The following PCDHGA5 variants were observed in gnomAD, a reference collection of about 807,000 sequenced individuals.
PCDHGA5 encodes protocadherin gamma-A5.
In PCDHGA5, 36 loss-of-function variants were observed where a neutral mutation model predicts 56.7. That is an observed-to-expected ratio of 0.64 (90% confidence interval 0.49 to 0.84). The LOEUF (loss-of-function observed/expected upper bound fraction) is 0.84, where lower values mean the gene tolerates loss of function less well. PCDHGA5 is among the 40% of genes least tolerant of loss of function. The pLI is 0.00. For missense variants in PCDHGA5, 1,305 were observed against 1,201.5 expected (o/e 1.09, Z -1.27); for synonymous variants, 563 against 520.2 (o/e 1.08, Z -1.12).
intron 1 of PCDHGA5, chr5:141,468,330 C>CAAAAAA (rs533390277): frequency 1.3e-5 from 1 of 79,878 alleles, no homozygotes. Context: ...AACTCCATCT[C>CAAAAAA]AAAAAAAAAA....
chr5:141,390,041 C>T (rs373243233), intron 1 of PCDHGA5: 2 of 1,614,058 alleles, frequency 1.2e-6, no homozygotes, highest in Non-Finnish European at 1.7e-6. Context: ...CCTCCAGCCC[C>T]GCCTCCTGGA....
chr5:141,384,652 G>T (rs372721131), intron 1 of PCDHGA5: 1 of 1,614,228 alleles, frequency 6.2e-7, no homozygotes, highest in South Asian at 1.1e-5. Context: ...CGCAGAGCCC[G>T]GCTACCTGGT....
At chr5:141,478,513 G>A in intron 1 of PCDHGA5, 1 of 1,611,520 alleles carries the variant, frequency 6.2e-7, no homozygotes. Context: ...TCTATAGGCA[G>A]GTGTTGGGTG....
At chr5:141,372,044 GT>G in intron 1 of PCDHGA5, 1 of 1,613,502 alleles carries the variant, frequency 6.2e-7, no homozygotes, top group Non-Finnish European at 8.5e-7. Context: ...GCCTGCGCGT[GT>G]TGGTGGACGA....
chr5:141,382,871 G>T (rs764156663), intron 1 of PCDHGA5: 3 of 1,520,506 alleles, frequency 2.0e-6, no homozygotes, highest in East Asian at 2.3e-5. Flanking sequence ...TCCCGAGATC[G>T]GCGCCTAAGC....
intron 1 of PCDHGA5, among the ~76,000 whole-genome samples, chr5:141,425,864 A>T (rs2096899427): frequency 6.6e-6 from 1 of 152,254 alleles, no homozygotes; most frequent in African/African-American, 2.4e-5. Flanking sequence ...TGTTCTATAG[A>T]TTCCCATCTC....
At chr5:141,375,121 A>G (rs1483677104) in intron 1 of PCDHGA5, 1 of 1,613,942 alleles carries the variant, frequency 6.2e-7, no homozygotes, top group Non-Finnish European at 8.5e-7. Context: ...ATGTACCAGA[A>G]GTGGTTGTTA....
At chr5:141,429,486 A>C (rs2097218130) in intron 1 of PCDHGA5, among the ~76,000 whole-genome samples, 1 of 152,114 alleles carries the variant, frequency 6.6e-6, no homozygotes, top group Non-Finnish European at 1.5e-5. Context: ...AGTAGCTGAG[A>C]CTACAGTTGC....
chr5:141,491,332 C>T lies in PCDHGA5; in HGVS notation c.2422-3475C>T, dbSNP rs1013118722. 2 of 1,614,072 alleles carry T rather than the reference C, an allele frequency of 1.2e-6. No individual in the cohort carries two copies. The highest frequency in any genetic ancestry group is 2.7e-5 in the African/African-American group (2 of 74,944). On this transcript the variant is annotated intron_variant, in intron 1 of 3. Coordinates refer to ENST00000518069, the MANE Select transcript of PCDHGA5 (RefSeq NM_018918.3). This position sits in a 1 kb window ranked among gnomAD's most constrained non-coding sequence, Gnocchi z 6.9. ...CCTTACCCTTTACCTCATTGTGGCT[C>T]TAGCGACCGTCAGTCTCTTATCCCT...
chr5:141,389,085 A>T (rs2091598298), intron 1 of PCDHGA5: 6 of 1,614,054 alleles, frequency 3.7e-6, no homozygotes, highest in Non-Finnish European at 5.1e-6. Context: ...AAACACGTAT[A>T]AATTAGTGAC....
At chr5:141,419,602 C>G (rs757423030) in intron 1 of PCDHGA5, 3 of 1,611,874 alleles carry the variant, frequency 1.9e-6, no homozygotes, top group African/African-American at 2.7e-5. Context: ...TGCCGCGGGC[C>G]GCGCAGCCAG....
chr5:141,389,669 C>T (rs747451761), intron 1 of PCDHGA5: 14 of 1,612,326 alleles, frequency 8.7e-6, no homozygotes, highest in Non-Finnish European at 9.3e-6. Flanking sequence ...TGGACGCAGA[C>T]TCAGGACACA....
chr5:141,402,091 G>C (rs1453803021), intron 1 of PCDHGA5, among the ~76,000 whole-genome samples: 2 of 152,088 alleles, frequency 1.3e-5, no homozygotes, highest in Non-Finnish European at 2.9e-5. Context: ...TAGCAGAAAA[G>C]TTTAAGCAAT....
At chr5:141,456,057 C>T (rs2098842079) in intron 1 of PCDHGA5, among the ~76,000 whole-genome samples, 1 of 151,914 alleles carries the variant, frequency 6.6e-6, no homozygotes, top group South Asian at 2.1e-4. Context: ...ACCACCACGT[C>T]CGGCTAATTT....
intron 1 of PCDHGA5, among the ~76,000 whole-genome samples, chr5:141,473,948 A>ACC (rs2099333859): frequency 1.3e-5 from 2 of 152,182 alleles, no homozygotes; most frequent in Non-Finnish European, 2.9e-5. Context: ...TCAGGCCTGT[A>ACC]GTCCCATCTA....
At chr5:141,451,484 G>A (rs2098717067) in intron 1 of PCDHGA5, among the ~76,000 whole-genome samples, 1 of 152,194 alleles carries the variant, frequency 6.6e-6, no homozygotes, top group Admixed American at 6.5e-5. Flanking sequence ...CTTGCCATGT[G>A]GACCTCCATA....
chr5:141,379,889 CTTTTTTTTTTT>C (rs70988800), intron 1 of PCDHGA5, among the ~76,000 whole-genome samples: 218 of 50,846 alleles, frequency 4.3e-3, no homozygotes, highest in African/African-American at 5.5e-3. Flanking sequence ...GTGAAAGCCT[CTTTTTTTTTTT>C]TTTTTTTTTT....
At chr5:141,475,903 G>A in intron 1 of PCDHGA5, 1 of 576,064 alleles carries the variant, frequency 1.7e-6, no homozygotes. Context: ...TGCCGCTGTC[G>A]GCCAATGAAG....
intron 1 of PCDHGA5, chr5:141,421,565 A>T (rs1373619696): frequency 1.2e-6 from 2 of 1,613,834 alleles, no homozygotes; most frequent in Admixed American, 3.3e-5. Context: ...CTCGTGGAAG[A>T]CACCTTGAAG....
Sources: allele counts gnomAD v4.1 joint callset (sites outside exome capture counted in the v4.1 genomes callset), GRCh38; gene constraint gnomAD v4.1.1; non-coding constraint Gnocchi (gnomAD v3.1); transcripts MANE v1.5; gene names NCBI Gene and HGNC (gene_info 2026-07-23, HGNC 2026-07-21).